Variants in DCC observed in about 807,000 individuals in gnomAD.
DCC encodes DCC netrin 1 receptor, also known as netrin receptor DCC.
Under a neutral mutation model 172.5 loss-of-function variants are expected in DCC, and 58 were observed. The observed-to-expected ratio is 0.34, with a 90% CI of 0.27 to 0.42. The LOEUF is 0.42. Among genes scored for constraint, DCC ranks in the 10% least tolerant of loss-of-function variants. The pLI, the probability that DCC is intolerant of heterozygous loss-of-function variation, is 1.00. For missense variants in DCC, 1,740 were observed against 1,791.0 expected, an observed-to-expected ratio of 0.97 and a Z score of 0.51; for synonymous variants, 709 against 644.5, an observed-to-expected ratio of 1.10 and a Z score of -1.52.
intron 9 of DCC, among the ~76,000 whole-genome samples, chr18:53,181,320 A>T (rs2055192415): frequency 6.6e-6 from 1 of 152,142 alleles, no homozygotes; most frequent in African/African-American, 2.4e-5. Context: ...TTGCTTTGTA[A>T]GAATGAGCAT....
chr18:52,389,768 C>T, intron 1 of DCC, among the ~76,000 whole-genome samples: 1 of 151,982 alleles, frequency 6.6e-6, no homozygotes. Flanking sequence ...GTGTGCACCT[C>T]CCTAGGTCCT....
intron 17 of DCC, among the ~76,000 whole-genome samples, chr18:53,392,832 G>T (rs560803471): frequency 1.3e-5 from 2 of 152,092 alleles, no homozygotes; most frequent in African/African-American, 2.4e-5. Context: ...AAACTTAAAA[G>T]AATTCATAAG....
intron 2 of DCC, among the ~76,000 whole-genome samples, chr18:52,829,424 C>A (rs2038570853): frequency 6.6e-6 from 1 of 152,196 alleles, no homozygotes; most frequent in South Asian, 2.1e-4. Context: ...TATCATGGCA[C>A]ATCACTGAAG....
At chr18:53,126,403 G>T (rs555781614) in intron 7 of DCC, among the ~76,000 whole-genome samples, 20 of 152,210 alleles carry the variant, frequency 1.3e-4, no homozygotes, top group African/African-American at 4.8e-4. Flanking sequence ...TTTGCAAGCT[G>T]GAAAGCACTT....
chr18:53,262,372 T>G (rs904883206), intron 12 of DCC, among the ~76,000 whole-genome samples: 11 of 152,242 alleles, frequency 7.2e-5, no homozygotes, highest in African/African-American at 2.4e-4. Context: ...CTCATGACTT[T>G]CTGGCATAAC....
rs376125390 is a variant in DCC at position 53,005,471 on chromosome 18, C to A, written c.986-57834C>A. 5.9e-5 allele frequency among the ~76,000 whole-genome samples: 9 copies of A among 152,302 alleles called. No homozygotes were observed. In the East Asian group the frequency reaches 1.5e-3, roughly 26 times the overall value. On this transcript the variant is annotated intron_variant, in intron 5 of 28. Coordinates refer to ENST00000442544, the MANE Select transcript of DCC (RefSeq NM_005215.4). The stretch of plus-strand genomic sequence containing the variant: ...TCTTGTCGCTGAGCATGGTGGCTTA[C>A]ACCTGTAATCCCAACACTTTGGGAG...
intron 9 of DCC, among the ~76,000 whole-genome samples, chr18:53,187,489 C>G (rs755578428): frequency 2.0e-5 from 3 of 151,970 alleles, no homozygotes; most frequent in African/African-American, 7.3e-5. Context: ...CATAATCTAA[C>G]GCAGATATAA....
chr18:52,459,859 C>T (rs1209154771), intron 1 of DCC, among the ~76,000 whole-genome samples: 1 of 150,216 alleles, frequency 6.7e-6, no homozygotes, highest in African/African-American at 2.4e-5. Flanking sequence ...TGATCTCATT[C>T]TTTTTTATGG....
intron 5 of DCC, among the ~76,000 whole-genome samples, chr18:52,998,181 T>A (rs2041511932): frequency 6.6e-6 from 1 of 152,110 alleles, no homozygotes; most frequent in Admixed American, 6.6e-5. Flanking sequence ...GTGGCTATCA[T>A]AATGGGCAGT....
In DCC at chr18:53,471,045, T is replaced by C. The variant is rs1226174379; in HGVS notation, c.3736+3035T>C. On this transcript the variant is annotated intron_variant, in intron 25 of 28. Coordinates refer to ENST00000442544, the MANE Select transcript of DCC (RefSeq NM_005215.4). Reference sequence around the variant, plus strand: ...ACATTTCCCAAATTTGACCACTCTTTTCCACCTTCACTGTTTTGCCCTTAT... The same window carrying C: ...ACATTTCCCAAATTTGACCACTCTTCTCCACCTTCACTGTTTTGCCCTTAT... Among the ~76,000 whole-genome samples, 3 of 152,212 alleles carry C rather than the reference T, an allele frequency of 2.0e-5. No homozygotes were observed. In the East Asian group the frequency reaches 5.8e-4, roughly 29 times the overall value.
chr18:53,145,104 G>A (rs376842663), intron 7 of DCC, among the ~76,000 whole-genome samples: 2 of 57,572 alleles, frequency 3.5e-5, no homozygotes, highest in African/African-American at 9.0e-5. Context: ...TGAGGGCTCT[G>A]CTTTTTTTTT....
chr18:52,619,417 C>A (rs1319881248), intron 1 of DCC, among the ~76,000 whole-genome samples: 1 of 152,156 alleles, frequency 6.6e-6, no homozygotes, highest in African/African-American at 2.4e-5. Context: ...GAGCTCTGTG[C>A]CACTCCAGTA....
rs536453791 is a variant in DCC, at chr18:52,666,087, G to A, written c.92-85967G>A. ...GCAGATCACCAGGTCAGGAGTTCAA[G>A]ACCAGCCTGGCCAACACGGTGAAAC... On this transcript the variant is annotated intron_variant, in intron 1 of 28. Coordinates refer to ENST00000442544, the MANE Select transcript of DCC (RefSeq NM_005215.4). 3.3e-5 allele frequency among the ~76,000 whole-genome samples: 5 copies of A among 152,278 alleles called. No homozygotes were observed. In the South Asian group the frequency reaches 1.0e-3, roughly 32 times the overall value.
At chr18:52,341,233 C>G (rs1378837734) in intron 1 of DCC, among the ~76,000 whole-genome samples, 1 of 152,078 alleles carries the variant, frequency 6.6e-6, no homozygotes, top group East Asian at 1.9e-4. Flanking sequence ...CAGAAACCTA[C>G]CAAGTGGGGA....
chr18:52,851,763 C>T (rs1475763978), intron 2 of DCC, among the ~76,000 whole-genome samples: 1 of 152,086 alleles, frequency 6.6e-6, no homozygotes, highest in African/African-American at 2.4e-5. Context: ...GCACCTTTTC[C>T]ATGCTAGACC....
At chr18:52,999,312 A>G (rs569789558) in intron 5 of DCC, among the ~76,000 whole-genome samples, 5 of 152,188 alleles carry the variant, frequency 3.3e-5, no homozygotes, top group African/African-American at 1.2e-4. Context: ...GTTTTTGTAG[A>G]CACAGAGCTG....
chr18:53,219,613 CTT>C (rs1014734788), intron 12 of DCC, among the ~76,000 whole-genome samples: 8 of 152,210 alleles, frequency 5.3e-5, no homozygotes, highest in Non-Finnish European at 1.0e-4. Flanking sequence ...ATGTGAATGT[CTT>C]TTTGTTGCAT....
intron 13 of DCC, 22 bp downstream of exon 13, chr18:53,305,741 T>A: frequency 1.9e-6 from 3 of 1,612,002 alleles, no homozygotes; most frequent in Non-Finnish European, 2.5e-6. Context: ...CATGGTGTAG[T>A]CTTGCAAGGT....
intron 1 of DCC, among the ~76,000 whole-genome samples, chr18:52,473,079 CA>C (rs1206940567): frequency 3.3e-5 from 5 of 152,080 alleles, no homozygotes; most frequent in Non-Finnish European, 5.9e-5. Context: ...AGCTTGTTTT[CA>C]AAATCACCTG....
Sources: allele counts gnomAD v4.1 joint callset (sites outside exome capture counted in the v4.1 genomes callset), GRCh38; gene constraint gnomAD v4.1.1; transcripts MANE v1.5; gene names NCBI Gene and HGNC (gene_info 2026-07-23, HGNC 2026-07-21).